The following PRKAR1A variants were observed in gnomAD, a reference collection of about 807,000 sequenced individuals.
PRKAR1A encodes cAMP-dependent protein kinase type I-alpha regulatory subunit.
Under a neutral mutation model 52.0 loss-of-function variants are expected in PRKAR1A, and 3 were observed. The observed-to-expected ratio is 0.06, with a 90% confidence interval of 0.03 to 0.15. PRKAR1A has a LOEUF of 0.15. Among genes scored for constraint, PRKAR1A ranks in the 10% least tolerant of loss-of-function variants. The probability of loss-of-function intolerance (pLI) is 1.00; values close to 1 mark genes in which losing one functional copy is unlikely to be tolerated. For synonymous variants in PRKAR1A, 188 were observed against 168.4 expected (o/e 1.12, Z -0.90); for missense variants, 240 against 477.4 (o/e 0.50, Z 4.63).
At chr17:68,470,881 G>A in the PRKAR1A span, among the ~76,000 whole-genome samples, 1 of 152,146 alleles carries the variant, frequency 6.6e-6, no homozygotes, top group Non-Finnish European at 1.5e-5. Context: ...AAGCTAATAA[G>A]TAATAGAGAG....
the PRKAR1A span, among the ~76,000 whole-genome samples, chr17:68,500,653 A>G: frequency 6.6e-6 from 1 of 152,066 alleles, no homozygotes; most frequent in East Asian, 1.9e-4. Flanking sequence ...AGCTGGGATT[A>G]CAGGTGCCCA....
the PRKAR1A span, among the ~76,000 whole-genome samples, chr17:68,449,104 C>T: frequency 6.6e-6 from 1 of 152,114 alleles, no homozygotes; most frequent in Non-Finnish European, 1.5e-5. Flanking sequence ...TTAATTAGTA[C>T]TTAAGAGTTT....
chr17:68,432,755 T>C, the PRKAR1A span, among the ~76,000 whole-genome samples: 1 of 152,186 alleles, frequency 6.6e-6, no homozygotes, highest in Non-Finnish European at 1.5e-5. Flanking sequence ...CCTGCCTTTC[T>C]CTGCAGGTTG....
At chr17:68,502,427 A>G in the PRKAR1A span, among the ~76,000 whole-genome samples, 18 of 152,200 alleles carry the variant, frequency 1.2e-4, no homozygotes, top group Non-Finnish European at 2.5e-4. Flanking sequence ...TCTTAAGCTC[A>G]ACAAGAGAAC....
chr17:68,515,293 AT>A (rs931694935), intron 1 of PRKAR1A, 100 bp from the exon 2 acceptor site: 63 of 1,359,704 alleles, frequency 4.6e-5, no homozygotes, highest in Admixed American at 4.3e-4. Flanking sequence ...TTAGAAAAAA[AT>A]CCCTGTGAAT....
chr17:68,537,718 TG>T, downstream of PRKAR1A: 1 of 1,612,802 alleles, frequency 6.2e-7, no homozygotes, highest in Non-Finnish European at 8.5e-7. This position sits in a 1 kb window ranked among gnomAD's most constrained non-coding sequence, Gnocchi z 4.2. Context: ...CAGCTGCAGG[TG>T]CAAAAGTGTT....
the PRKAR1A span, among the ~76,000 whole-genome samples, chr17:68,417,346 A>G: frequency 6.6e-6 from 1 of 152,174 alleles, no homozygotes; most frequent in Non-Finnish European, 1.5e-5. Flanking sequence ...TGGTATATTT[A>G]AAAATTACTT....
At chr17:68,480,588 C>G in the PRKAR1A span, among the ~76,000 whole-genome samples, 1 of 152,154 alleles carries the variant, frequency 6.6e-6, no homozygotes, top group African/African-American at 2.4e-5. Flanking sequence ...CATTCTGTTG[C>G]CCAGACTGGA....
the PRKAR1A span, chr17:68,452,928 C>T: frequency 6.2e-7 from 1 of 1,614,020 alleles, no homozygotes; most frequent in Non-Finnish European, 8.5e-7. Flanking sequence ...TGGACTTGAT[C>T]CAGCTGCTCC....
intron 11 of PRKAR1A, among the ~76,000 whole-genome samples, chr17:68,548,240 A>G (rs2086657840): frequency 6.6e-6 from 1 of 152,146 alleles, no homozygotes; most frequent in South Asian, 2.1e-4. Context: ...CTAAAAATAG[A>G]AAAAATTAGC....
the PRKAR1A span, chr17:68,427,105 T>G: frequency 2.2e-5 from 35 of 1,568,104 alleles, no homozygotes; most frequent in Non-Finnish European, 2.7e-5. Flanking sequence ...CTGTTGGAGA[T>G]GCTCCCCTGT....
At chr17:68,486,371 A>ATTCT in the PRKAR1A span, among the ~76,000 whole-genome samples, 12 of 124,120 alleles carry the variant, frequency 9.7e-5, no homozygotes, top group African/African-American at 2.7e-4. Flanking sequence ...TCTTCCTCTT[A>ATTCT]TTCTTTCTTT....
At chr17:68,542,257 A>G in intron 11 of PRKAR1A, 1 of 1,392,162 alleles carries the variant, frequency 7.2e-7, no homozygotes, top group Non-Finnish European at 1.0e-6. Flanking sequence ...GAGGGAAGGG[A>G]AACCCTGAAC....
At chr17:68,424,469 A>G in the PRKAR1A span, 1 of 534,832 alleles carries the variant, frequency 1.9e-6, no homozygotes, top group African/African-American at 1.9e-5. Flanking sequence ...CTCAATGGAC[A>G]CAAAACAATG....
At chr17:68,522,067 C>T (rs1201239009) in intron 2 of PRKAR1A, among the ~76,000 whole-genome samples, 1 of 152,184 alleles carries the variant, frequency 6.6e-6, no homozygotes, top group East Asian at 1.9e-4. Context: ...AAAGAGTGAT[C>T]CTAGCTCTGC....
At chr17:68,537,624 G>A, downstream of PRKAR1A, 1 of 1,613,730 alleles carries the variant, frequency 6.2e-7, no homozygotes, top group Non-Finnish European at 8.5e-7. The surrounding 1 kb of genome is among the most constrained non-coding windows in gnomAD (Gnocchi z 4.2). Flanking sequence ...CAAGGAGGTG[G>A]GGTTCAGTGA....
chr17:68,453,078 C>G, the PRKAR1A span: 2 of 1,057,812 alleles, frequency 1.9e-6, no homozygotes, highest in Non-Finnish European at 2.9e-6. Flanking sequence ...TGCCCCCTAG[C>G]CTCAGGGGTA....
the PRKAR1A span, among the ~76,000 whole-genome samples, chr17:68,449,214 CTTTG>C: frequency 1.9e-3 from 297 of 152,320 alleles, 2 homozygotes; most frequent in African/African-American, 6.6e-3. Context: ...TAAAGAATCT[CTTTG>C]TTTATTTACT....
At chr17:68,515,874 T>TA (rs2085416641) in intron 2 of PRKAR1A, 1 of 392,870 alleles carries the variant, frequency 2.5e-6, no homozygotes, top group South Asian at 2.4e-5. Flanking sequence ...ATAAAACTGA[T>TA]CAGAACTAGT....
Sources: gnomAD v4.1 joint callset for allele counts (sites outside exome capture counted in the v4.1 genomes callset) on GRCh38, gnomAD v4.1.1 for gene constraint, Gnocchi (gnomAD v3.1) non-coding constraint, MANE v1.5 for transcripts, NCBI Gene and HGNC (gene_info 2026-07-23, HGNC 2026-07-21) for gene names.